The following ZNF722 variants were observed in gnomAD, a reference collection of about 807,000 sequenced individuals.
ZNF722 encodes the protein zinc finger protein 479 pseudogene.
chr7:64,006,385 C>A, the ZNF722 span: 3 of 1,060,644 alleles, frequency 2.8e-6, no homozygotes, highest in Non-Finnish European at 4.0e-6. Context: ...GGCAGCCAGT[C>A]CTTGAAATGT....
the ZNF722 span, among the ~76,000 whole-genome samples, chr7:64,017,847 C>T: frequency 5.3e-5 from 8 of 152,006 alleles, no homozygotes; most frequent in East Asian, 5.8e-4. Flanking sequence ...TAATTACATT[C>T]GAGCTATGCT....
the ZNF722 span, among the ~76,000 whole-genome samples, chr7:64,006,489 G>A: frequency 6.6e-6 from 1 of 152,116 alleles, no homozygotes; most frequent in East Asian, 1.9e-4. Context: ...TCTGCCCCAT[G>A]CTGTTAAATT....
chr7:64,001,747 G>A, the ZNF722 span, among the ~76,000 whole-genome samples: 2 of 151,654 alleles, frequency 1.3e-5, no homozygotes, highest in Admixed American at 1.3e-4. Context: ...ACAAGCATCT[G>A]GTTTTTTGTT....
chr7:64,006,564 C>G, the ZNF722 span, among the ~76,000 whole-genome samples: 1 of 152,156 alleles, frequency 6.6e-6, no homozygotes, highest in Non-Finnish European at 1.5e-5. Context: ...CCAGAGTTTT[C>G]TTTATGGCTT....
chr7:64,008,982 A>G, the ZNF722 span, among the ~76,000 whole-genome samples: 1 of 152,086 alleles, frequency 6.6e-6, no homozygotes, highest in African/African-American at 2.4e-5. Flanking sequence ...TTGGATTCCT[A>G]GGTATTTTAT....
the ZNF722 span, among the ~76,000 whole-genome samples, chr7:64,008,226 G>A: frequency 2.0e-5 from 3 of 152,236 alleles, no homozygotes; most frequent in East Asian, 5.8e-4. Context: ...TTCCTTTGCT[G>A]TGCAGAAGCT....
At chr7:64,006,427 T>C in the ZNF722 span, 4 of 765,314 alleles carry the variant, frequency 5.2e-6, no homozygotes, top group Non-Finnish European at 8.0e-6. Context: ...ATGGAAAGAG[T>C]TTCTGAGAGG....
chr7:64,015,582 G>T, the ZNF722 span: 5 of 1,613,670 alleles, frequency 3.1e-6, no homozygotes, highest in Non-Finnish European at 4.2e-6. Context: ...CACATGTGAA[G>T]AATGTGGCCA....
At chr7:64,009,850 C>T in the ZNF722 span, among the ~76,000 whole-genome samples, 14 of 152,088 alleles carry the variant, frequency 9.2e-5, no homozygotes, top group African/African-American at 2.4e-4. Context: ...TGGTAGAATT[C>T]GGCTGTGAAT....
At chr7:64,000,130 T>TG in the ZNF722 span, among the ~76,000 whole-genome samples, 2,122 of 140,506 alleles carry the variant, frequency 0.015, 26 homozygotes, top group Middle Eastern at 0.061. Flanking sequence ...TTTTTTTTTT[T>TG]TTTGTGTGTG....
the ZNF722 span, among the ~76,000 whole-genome samples, chr7:64,000,128 T>TGTG: frequency 0.18 from 15,893 of 89,242 alleles, 953 homozygotes; most frequent in East Asian, 0.2. Flanking sequence ...ACTTTTTTTT[T>TGTG]TTTTTGTGTG....
chr7:64,015,776 C>T, the ZNF722 span: 1 of 1,612,786 alleles, frequency 6.2e-7, no homozygotes, highest in African/African-American at 1.3e-5. Context: ...TTAACTGCTC[C>T]TCAACCCTTA....
the ZNF722 span, among the ~76,000 whole-genome samples, chr7:64,018,052 T>A: frequency 6.6e-6 from 1 of 152,198 alleles, no homozygotes; most frequent in African/African-American, 2.4e-5. Flanking sequence ...TAATTTTTCA[T>A]TAAATAAAGT....
the ZNF722 span, among the ~76,000 whole-genome samples, chr7:64,000,436 C>CTTTTTTTTTTTTTTTTTTTTTTT: frequency 4.2e-5 from 1 of 23,674 alleles, no homozygotes; most frequent in African/African-American, 1.9e-4. Flanking sequence ...CATGCCCGGC[C>CTTTTTTTTTTTTTTTTTTTTTTT]TTTTTTTTTT....
chr7:64,004,718 T>G, the ZNF722 span, among the ~76,000 whole-genome samples: 2 of 152,142 alleles, frequency 1.3e-5, no homozygotes, highest in African/African-American at 4.8e-5. Context: ...TGTCCTTTCT[T>G]TTTAGATGAC....
At chr7:64,007,695 A>G in the ZNF722 span, among the ~76,000 whole-genome samples, 4 of 152,200 alleles carry the variant, frequency 2.6e-5, no homozygotes, top group Non-Finnish European at 5.9e-5. Flanking sequence ...TAGTGCTGCA[A>G]TACACATACA....
the ZNF722 span, among the ~76,000 whole-genome samples, chr7:64,016,748 T>A: frequency 6.6e-6 from 1 of 152,144 alleles, no homozygotes; most frequent in African/African-American, 2.4e-5. Context: ...ATTAAAAAAA[T>A]TTTATACTGG....
the ZNF722 span, chr7:64,015,325 G>A: frequency 6.7e-6 from 9 of 1,351,984 alleles, no homozygotes; most frequent in Non-Finnish European, 9.4e-6. Flanking sequence ...CATTTCAAAT[G>A]TAAAAAATAT....
chr7:64,011,880 G>A, the ZNF722 span, among the ~76,000 whole-genome samples: 1 of 152,082 alleles, frequency 6.6e-6, no homozygotes, highest in Non-Finnish European at 1.5e-5. Context: ...TCACTTTCAG[G>A]TACACCAATC....
Sources: gnomAD v4.1 joint callset for allele counts (sites outside exome capture counted in the v4.1 genomes callset) on GRCh38, gnomAD v4.1.1 for gene constraint, MANE v1.5 for transcripts, NCBI Gene and HGNC (gene_info 2026-07-23, HGNC 2026-07-21) for gene names.